ASCC3: variants seen among roughly 807,000 people sequenced by gnomAD.
ASCC3 encodes the protein activating signal cointegrator 1 complex subunit 3, also known as ASC-1 complex subunit P200.
A neutral mutation model predicts 256.3 loss-of-function variants in ASCC3; 158 were observed. That is an observed-to-expected ratio of 0.62 (90% CI 0.54 to 0.70). The LOEUF (loss-of-function observed/expected upper bound fraction) is 0.70. Among genes scored for constraint, ASCC3 ranks in the 30% least tolerant of loss-of-function variants. The pLI, the probability that ASCC3 is intolerant of heterozygous loss-of-function variation, is 0.00. For missense variants in ASCC3, 2,259 were observed against 2,626.0 expected (o/e 0.86, Z 3.05); for synonymous variants, 948 against 883.4 (o/e 1.07, Z -1.30).
chr6:100,746,890 A>C (rs747447180), intron 10 of ASCC3, among the ~76,000 whole-genome samples: 2 of 152,166 alleles, frequency 1.3e-5, no homozygotes, highest in African/African-American at 4.8e-5. Flanking sequence ...ACACATATAC[A>C]GTCAATTTGT....
chr6:100,620,038 T>C (rs532013985), intron 30 of ASCC3, among the ~76,000 whole-genome samples: 2 of 152,246 alleles, frequency 1.3e-5, no homozygotes, highest in South Asian at 4.1e-4. Context: ...AAGTAGTGTA[T>C]GTATGAGTTT....
chr6:100,536,169 A>G lies in ASCC3; in HGVS notation c.5775+3994T>C, dbSNP rs576757843. On this transcript the variant is annotated intron_variant, in intron 37 of 41. Coordinates refer to ENST00000369162, the MANE Select transcript of ASCC3 (RefSeq NM_006828.4). ...AGTAAGGGCTAGTAATTCTAAAACT[A>G]CAACACTGAATATTCTAGGATTGAG... 2.8e-4 allele frequency among the ~76,000 whole-genome samples: 43 copies of G among 152,320 alleles called. No individual in the cohort carries two copies. In the South Asian group the frequency reaches 3.7e-3, roughly 13 times the overall value.
intron 10 of ASCC3, among the ~76,000 whole-genome samples, chr6:100,729,063 C>A (rs1395694071): frequency 6.6e-6 from 1 of 152,120 alleles, no homozygotes; most frequent in African/African-American, 2.4e-5. Context: ...ATGACTAAGA[C>A]AAATCAGGGA....
intron 36 of ASCC3, among the ~76,000 whole-genome samples, chr6:100,563,602 T>C (rs539790741): frequency 1.3e-3 from 194 of 152,182 alleles, no homozygotes; most frequent in African/African-American, 4.4e-3. Context: ...ATGAGCTTCA[T>C]GAGGGATTAA....
intron 10 of ASCC3, among the ~76,000 whole-genome samples, chr6:100,765,087 C>T (rs1199040034): frequency 6.6e-6 from 1 of 152,086 alleles, no homozygotes; most frequent in Non-Finnish European, 1.5e-5. Flanking sequence ...TTTCCAGCAG[C>T]CACCAGAAAC....
At chr6:100,683,717 A>T (rs1777420215) in intron 13 of ASCC3, among the ~76,000 whole-genome samples, 1 of 152,176 alleles carries the variant, frequency 6.6e-6, no homozygotes, top group Non-Finnish European at 1.5e-5. Context: ...GAATAGTAAG[A>T]TTAAGTCAAT....
chr6:100,603,986 A>G (rs1397693567), intron 33 of ASCC3, among the ~76,000 whole-genome samples: 3 of 152,040 alleles, frequency 2.0e-5, no homozygotes, highest in Admixed American at 2.0e-4. Flanking sequence ...CACTACTAGG[A>G]GGAGATTGTG....
intron 12 of ASCC3, among the ~76,000 whole-genome samples, chr6:100,717,318 T>C (rs890224355): frequency 2.6e-4 from 39 of 151,982 alleles, no homozygotes; most frequent in African/African-American, 8.7e-4. Context: ...AAGACTAAGG[T>C]TGACATAGTA....
chr6:100,651,338 C>G (rs904233004), intron 19 of ASCC3, among the ~76,000 whole-genome samples: 1 of 151,710 alleles, frequency 6.6e-6, no homozygotes, highest in Non-Finnish European at 1.5e-5. Flanking sequence ...TACTGCAAAA[C>G]CAATTTAAAT....
intron 10 of ASCC3, among the ~76,000 whole-genome samples, chr6:100,741,920 T>C (rs1780453369): frequency 1.3e-5 from 2 of 152,180 alleles, no homozygotes; most frequent in South Asian, 2.1e-4. Flanking sequence ...TGGAGAGGTA[T>C]TGTGGTCATT....
At chr6:100,679,565 C>T (rs1582683464) in intron 14 of ASCC3, 53 bp downstream of exon 14, 28 of 1,608,274 alleles carry the variant, frequency 1.7e-5, no homozygotes, top group Non-Finnish European at 2.4e-5. Flanking sequence ...TATAAAATAC[C>T]CGGGATATGT....
At chr6:100,829,478 C>G (rs944032292) in intron 4 of ASCC3, among the ~76,000 whole-genome samples, 16 of 151,884 alleles carry the variant, frequency 1.1e-4, no homozygotes, top group African/African-American at 3.9e-4. Context: ...GCCAGCCGTT[C>G]TGAGTGCGGG....
Position 100,661,926 on chromosome 6 carries a change from A to T in ASCC3, c.2583T>A (p.Phe861Leu), listed in dbSNP as rs947636814. 1 of 1,613,312 alleles carries T rather than the reference A, an allele frequency of 6.2e-7. No homozygotes were observed. The highest frequency in any genetic ancestry group is 1.3e-5 in the African/African-American group (1 of 74,856). Residue 861 changes from phenylalanine to leucine, a missense_variant, in exon 16 of 42, where the codon TTT (phenylalanine) becomes TTA (leucine). Physicochemically the swap from Phe to Leu is conservative, Grantham distance 22. Coordinates refer to ENST00000369162, the MANE Select transcript of ASCC3 (RefSeq NM_006828.4). The stretch of plus-strand genomic sequence containing the variant: ...GCGTTGTTATAATTATTCCTTCCCC[A>T]AATTTGTCAAATTGTGGTCGTCCAG... ...GRAGRPQFDK[F>L]GEGIIITTHD...
intron 13 of ASCC3, among the ~76,000 whole-genome samples, chr6:100,688,048 T>C (rs1391042363): frequency 6.6e-6 from 1 of 151,828 alleles, no homozygotes; most frequent in Non-Finnish European, 1.5e-5. Context: ...TGAAAAATTA[T>C]TTTTAAGTTA....
At chr6:100,737,419 CCTACCTGTGT>C (rs1323038876) in intron 10 of ASCC3, among the ~76,000 whole-genome samples, 3 of 152,040 alleles carry the variant, frequency 2.0e-5, no homozygotes, top group African/African-American at 7.2e-5. Context: ...GTGTTGTTCC[CCTACCTGTGT>C]CTATGTGTTC....
chr6:100,572,931 C>T lies in ASCC3; in HGVS notation c.5550+16703G>A, dbSNP rs562790030. On this transcript the variant is annotated intron_variant, in intron 36 of 41. Transcript: ENST00000369162. ...ATGTCAATGCTTTAAAATTTTTTTA[C>T]AGCTGGAATGAAACATTGTTACATA... Among the ~76,000 whole-genome samples, 9 of 152,052 alleles carry T rather than the reference C, an allele frequency of 5.9e-5. No individual in the cohort carries two copies. The South Asian group carries it at 1.9e-3, about 32-fold the overall frequency.
intron 37 of ASCC3, among the ~76,000 whole-genome samples, chr6:100,536,576 G>A (rs976949578): frequency 6.6e-6 from 1 of 151,964 alleles, no homozygotes; most frequent in Non-Finnish European, 1.5e-5. Flanking sequence ...TGACCTCCTG[G>A]GTTCAAGCAA....
intron 10 of ASCC3, among the ~76,000 whole-genome samples, chr6:100,732,181 AAG>A (rs1491043633): frequency 0.017 from 2,449 of 146,698 alleles, 55 homozygotes; most frequent in African/African-American, 0.058. Flanking sequence ...AAAAAAAAAA[AAG>A]AAGAAGAAGA....
At chr6:100,861,456 T>C (rs532710845) in intron 3 of ASCC3, among the ~76,000 whole-genome samples, 118 of 152,248 alleles carry the variant, frequency 7.8e-4, no homozygotes, top group Non-Finnish European at 1.2e-3. Flanking sequence ...AAATTGTCTA[T>C]GATAGAAGAT....
Sources: allele counts gnomAD v4.1 joint callset (sites outside exome capture counted in the v4.1 genomes callset), GRCh38; gene constraint gnomAD v4.1.1; transcripts MANE v1.5; gene names NCBI Gene and HGNC (gene_info 2026-07-23, HGNC 2026-07-21).